Variants in DNAH7 observed in about 807,000 individuals in gnomAD.
DNAH7 encodes axonemal beta dynein heavy chain 7.
In DNAH7, 397 loss-of-function variants were observed where a neutral mutation model predicts 444.6. The observed-to-expected ratio is 0.89, with a 90% CI of 0.82 to 0.97. The LOEUF (loss-of-function observed/expected upper bound fraction) is 0.97. Among genes scored for constraint, DNAH7 ranks in the 50% least tolerant of loss-of-function variants. DNAH7 has a pLI of 0.00. For missense variants in DNAH7, 4,902 were observed against 4,800.8 expected (o/e 1.02, Z -0.62); for synonymous variants, 1,636 against 1,624.4 (o/e 1.01, Z -0.17).
intron 19 of DNAH7, among the ~76,000 whole-genome samples, chr2:195,955,344 G>A (rs1482456278): frequency 1.3e-5 from 2 of 152,074 alleles, no homozygotes; most frequent in Non-Finnish European, 2.9e-5. Flanking sequence ...TAGACGTGTG[G>A]TATTATTTCT....
intron 19 of DNAH7, among the ~76,000 whole-genome samples, chr2:195,949,306 T>C (rs996865016): frequency 2.0e-5 from 3 of 152,050 alleles, no homozygotes; most frequent in African/African-American, 7.2e-5. Flanking sequence ...TTTATTGAGA[T>C]GGAGTCTCAC....
At chr2:195,884,508 A>G in intron 35 of DNAH7, 77 bp downstream of exon 35, 2 of 1,043,138 alleles carry the variant, frequency 1.9e-6, no homozygotes, top group Admixed American at 1.8e-5. Context: ...AGGTGGCCAC[A>G]GGGCCATTAT....
At chr2:196,048,002 T>C (rs561290832) in intron 4 of DNAH7, among the ~76,000 whole-genome samples, 2 of 152,128 alleles carry the variant, frequency 1.3e-5, no homozygotes, top group South Asian at 2.1e-4. Context: ...AAAATCTCTC[T>C]TATAAAAATC....
intron 19 of DNAH7, among the ~76,000 whole-genome samples, chr2:195,946,481 C>T (rs896941144): frequency 6.6e-6 from 1 of 152,054 alleles, no homozygotes; most frequent in Admixed American, 6.6e-5. Flanking sequence ...CTGTCTACCC[C>T]GGATTAATCT....
chr2:195,802,735 G>A (rs1344029520), intron 54 of DNAH7, among the ~76,000 whole-genome samples: 1 of 152,050 alleles, frequency 6.6e-6, no homozygotes, highest in East Asian at 1.9e-4. Flanking sequence ...CTTATAGGGT[G>A]CAAGTGCAAT....
rs531437230 is a variant in DNAH7, at chr2:195,986,064, G to A, written c.1754+1002C>T. The stretch of plus-strand genomic sequence containing the variant: ...ATTTTACCCACACTGTACACCTGAC[G>A]GACTCCCACTCTTCCTTCAAAATAA... On this transcript the variant is annotated intron_variant, in intron 14 of 64. Coordinates refer to ENST00000312428, the MANE Select transcript of DNAH7 (RefSeq NM_018897.3). Among the ~76,000 whole-genome samples the A allele has an allele frequency of 8.5e-5, 13 of 152,098 alleles. No individual in the cohort carries two copies. In the South Asian group the frequency reaches 1.5e-3, roughly 17 times the overall value.
At chr2:195,970,223 C>T in intron 16 of DNAH7, 129 bp from the exon 17 acceptor site, 1 of 839,374 alleles carries the variant, frequency 1.2e-6, no homozygotes, top group South Asian at 2.6e-5. Context: ...AAAGGATGAT[C>T]TGGAAAATGA....
At position 195,821,301 on chromosome 2, in the gene DNAH7, A is replaced by G. The variant is rs79465268; in HGVS notation, c.9291+2954T>C. Reference sequence around the variant, plus strand: ...AGGCTCAAAGGTTTTCCTTTTTTACAAACTAAAAATAGGTAATGCTGTTAC... The same window carrying G: ...AGGCTCAAAGGTTTTCCTTTTTTACGAACTAAAAATAGGTAATGCTGTTAC... On this transcript the variant is annotated intron_variant, in intron 49 of 64. Coordinates refer to ENST00000312428, the MANE Select transcript of DNAH7 (RefSeq NM_018897.3). 1.3e-4 allele frequency among the ~76,000 whole-genome samples: 20 copies of G among 152,322 alleles called. No individual in the cohort carries two copies. The East Asian group carries it at 3.9e-3, about 29-fold the overall frequency.
At chr2:195,945,700 G>A (rs562490128) in intron 19 of DNAH7, among the ~76,000 whole-genome samples, 105 of 152,222 alleles carry the variant, frequency 6.9e-4, no homozygotes, top group African/African-American at 2.5e-3. Flanking sequence ...GGAAAATAAA[G>A]AATGAGTACT....
chr2:195,951,980 T>C (rs1690290347), intron 19 of DNAH7, among the ~76,000 whole-genome samples: 1 of 152,192 alleles, frequency 6.6e-6, no homozygotes, highest in African/African-American at 2.4e-5. Context: ...ATTATGATGC[T>C]AGCTGGTTAT....
chr2:195,881,977 C>A lies in DNAH7; in HGVS notation c.5779G>T (p.Glu1927Ter). The A allele has an allele frequency of 1.2e-6, 2 of 1,613,426 alleles. No homozygotes were observed. The highest frequency in any genetic ancestry group is 1.3e-5 in the African/African-American group (1 of 74,976). ...QFVTEGIGKW[E>*]PWIKKLKEAP... ...TCTTTCAATTTCTTTATCCATGGTT[C>A]CCATTTTCCTATTCCCTGTTTATAA... Residue 1927 changes from glutamate (E) to a stop codon, truncating the protein, a stop_gained, in exon 36 of 65, where the codon GAA (glutamate) becomes TAA (stop). Transcript: ENST00000312428. LOFTEE classifies it high-confidence loss of function.
In DNAH7 at chr2:195,864,903, C is replaced by A; in HGVS notation, c.6752G>T (p.Arg2251Leu). 6.2e-7 allele frequency: 1 copy of A among 1,613,514 alleles called. No individual in the cohort carries two copies. Among genetic ancestry groups the A allele is most frequent in the Non-Finnish European group, 8.5e-7 (1 of 1,179,998 alleles). Reference protein sequence around the residue: ...MYEDFHELFQRLDFDNDGMVE... With the variant: ...MYEDFHELFQLLDFDNDGMVE... ...CATGCCATCATTATCAAAATCCAAA[C>A]GCTGAAAAAGCTCATGAAAATCTTC... The change falls in exon 41 of 65, where the codon CGT (arginine) becomes CTT (leucine). Residue 2251 changes from arginine to leucine, a missense_variant. By Grantham distance (102) the Arg-to-Leu change is moderately radical. Transcript: ENST00000312428.
chr2:195,906,114 TAG>T (rs1686999001), intron 27 of DNAH7, among the ~76,000 whole-genome samples: 1 of 151,966 alleles, frequency 6.6e-6, no homozygotes, highest in African/African-American at 2.4e-5. Flanking sequence ...GCATACACAA[TAG>T]TGTGTTTCCA....
chr2:196,060,676 T>C (rs1385670352), intron 1 of DNAH7, among the ~76,000 whole-genome samples: 1 of 152,210 alleles, frequency 6.6e-6, no homozygotes, highest in Non-Finnish European at 1.5e-5. Context: ...TTGCCCGATT[T>C]TTCTGCTCCC....
At chr2:195,940,576 C>T (rs1689357824) in intron 19 of DNAH7, among the ~76,000 whole-genome samples, 1 of 152,078 alleles carries the variant, frequency 6.6e-6, no homozygotes, top group South Asian at 2.1e-4. Flanking sequence ...AAACTATCAT[C>T]AGAGTGAACA....
intron 17 of DNAH7, among the ~76,000 whole-genome samples, chr2:195,961,209 A>G (rs1177398301): frequency 6.6e-6 from 1 of 152,218 alleles, no homozygotes; most frequent in Non-Finnish European, 1.5e-5. Context: ...AAAACTAATT[A>G]ACATACATTA....
chr2:195,895,229 T>C lies in DNAH7; in HGVS notation c.4648-5A>G, dbSNP rs1269888808. The C allele has an allele frequency of 4.4e-6, 7 of 1,587,868 alleles. No homozygotes were observed. The Admixed American group carries it at 6.7e-5, about 15-fold the overall frequency. On this transcript the variant is annotated splice_polypyrimidine_tract_variant and splice_region_variant and intron_variant, in intron 29 of 64. Coordinates refer to ENST00000312428, the MANE Select transcript of DNAH7 (RefSeq NM_018897.3). Reference sequence around the variant, plus strand: ...AAACAAATCCGAAGTAATTCCCTGATGATAGATGATTTGAAGGATTTACAT... The same window carrying C: ...AAACAAATCCGAAGTAATTCCCTGACGATAGATGATTTGAAGGATTTACAT...
intron 35 of DNAH7, among the ~76,000 whole-genome samples, chr2:195,884,059 C>T (rs1417432224): frequency 6.6e-5 from 10 of 152,128 alleles, no homozygotes; most frequent in Non-Finnish European, 4.4e-5. Context: ...GTACTTAAAT[C>T]TGTATATATT....
chr2:195,960,762 C>T lies in DNAH7; in HGVS notation c.2389G>A (p.Glu797Lys). Reference protein sequence around the residue: ...PYHKVNPDQVEADIGNYWRGL... With the variant: ...PYHKVNPDQVKADIGNYWRGL... ...CTCCAGTAATTTCCAATATCTGCTT[C>T]TACTTGGTCTGGATTCACTTTATGA... Residue 797 changes from glutamate (E) to lysine (K), a missense_variant, in exon 18 of 65, where the codon GAA (glutamate) becomes AAA (lysine). Transcript: ENST00000312428. 1 of 1,614,128 alleles carries T rather than the reference C, an allele frequency of 6.2e-7. No homozygotes were observed. Among genetic ancestry groups the T allele is most frequent in the Non-Finnish European group, 8.5e-7 (1 of 1,180,012 alleles).
Sources: gnomAD v4.1 joint callset for allele counts (sites outside exome capture counted in the v4.1 genomes callset) on GRCh38, gnomAD v4.1.1 for gene constraint, MANE v1.5 for transcripts, NCBI Gene and HGNC (gene_info 2026-07-23, HGNC 2026-07-21) for gene names.